The following GRID2 variants were observed in gnomAD, a reference collection of about 807,000 sequenced individuals.
GRID2 encodes the protein glutamate receptor ionotropic, delta-2.
In GRID2, 33 loss-of-function variants were observed where a neutral mutation model predicts 114.8. The ratio of observed to expected loss-of-function variants is 0.29; its 90% CI spans 0.22 to 0.38. The LOEUF is 0.38. Among genes scored for constraint, GRID2 ranks in the 10% least tolerant of loss-of-function variants. GRID2 has a pLI of 1.00. For missense variants in GRID2, 1,184 were observed against 1,257.7 expected (o/e 0.94, Z 0.89); for synonymous variants, 505 against 449.9 (o/e 1.12, Z -1.55).
chr4:92,839,599 T>C (rs1354499381), intron 2 of GRID2, among the ~76,000 whole-genome samples: 2 of 151,956 alleles, frequency 1.3e-5, no homozygotes, highest in Non-Finnish European at 2.9e-5. Flanking sequence ...TTCAAGAGCA[T>C]ATTGTTTAAT....
intron 2 of GRID2, among the ~76,000 whole-genome samples, chr4:93,012,654 G>C (rs1267488873): frequency 6.9e-6 from 1 of 143,986 alleles, no homozygotes; most frequent in East Asian, 2.0e-4. Context: ...CTAATAAAAA[G>C]AGCAAAGGAT....
chr4:92,943,994 A>T (rs963159691), intron 2 of GRID2, among the ~76,000 whole-genome samples: 1 of 152,070 alleles, frequency 6.6e-6, no homozygotes, highest in African/African-American at 2.4e-5. Flanking sequence ...GTCTGCCCCT[A>T]CTGGGGGGTG....
chr4:93,428,583 G>T (rs568418155), intron 10 of GRID2, among the ~76,000 whole-genome samples: 1 of 152,248 alleles, frequency 6.6e-6, no homozygotes, highest in Non-Finnish European at 1.5e-5. Context: ...ATACTTTGGT[G>T]ATCAAGAAAA....
chr4:93,689,704 T>G (rs1166560308), intron 14 of GRID2, among the ~76,000 whole-genome samples: 1 of 152,054 alleles, frequency 6.6e-6, no homozygotes, highest in East Asian at 1.9e-4. Context: ...GAAGAAAACA[T>G]AGTCTTTTGG....
chr4:93,045,962 G>A (rs1325720621), intron 2 of GRID2, among the ~76,000 whole-genome samples: 1 of 152,064 alleles, frequency 6.6e-6, no homozygotes, highest in Non-Finnish European at 1.5e-5. Context: ...TAATTGAGTT[G>A]AGTGGGATTA....
rs1298298400 is a variant in GRID2 at position 92,908,606 on chromosome 4, G to GA, written c.245-176381dup. Among the ~76,000 whole-genome samples, 12 of 138,926 alleles carry GA rather than the reference G, an allele frequency of 8.6e-5. No individual in the cohort carries two copies. The South Asian group carries it at 2.6e-3, about 30-fold the overall frequency. The allele number at this position is 138,926 out of a possible 152,430, so 91.1% of individuals were successfully genotyped here. A position where few individuals can be genotyped will look rare whatever the true frequency, so the allele number is the denominator to read the frequency against. On this transcript the variant is annotated intron_variant, in intron 2 of 15. Transcript: ENST00000282020. ...GCAGCCATTACTAAACAAAAAATAT[G>GA]AAAAAAAAGTACTAACAGGTAGCAC... is the stretch of plus-strand genomic sequence containing the variant.
At chr4:92,678,495 T>C (rs976692397) in intron 2 of GRID2, among the ~76,000 whole-genome samples, 1 of 152,092 alleles carries the variant, frequency 6.6e-6, no homozygotes, top group African/African-American at 2.4e-5. Context: ...AAGTCTGAAG[T>C]AATTCAATAC....
chr4:93,556,653 G>A (rs1347693889), intron 13 of GRID2, among the ~76,000 whole-genome samples: 1 of 152,150 alleles, frequency 6.6e-6, no homozygotes, highest in Non-Finnish European at 1.5e-5. Flanking sequence ...CAGGGAGAAT[G>A]GAACCAAGTT....
rs141859037 is a variant in GRID2 at position 92,306,645 on chromosome 4, A to G, written c.88+1901A>G. Among the ~76,000 whole-genome samples the G allele has an allele frequency of 2.2e-3, 337 of 152,348 alleles. 2 individuals carry two copies. The highest frequency in any genetic ancestry group is 5.9e-3 in the Admixed American group (91 of 15,310). On this transcript the variant is annotated intron_variant, in intron 1 of 15. Transcript: ENST00000282020. ...GGTCTGCATGATAAATACATTATTTACAAATACCTACAGCTTTTGCTATCC... is the reference window on the plus strand; with the variant it reads ...GGTCTGCATGATAAATACATTATTTGCAAATACCTACAGCTTTTGCTATCC...
At chr4:93,503,993 T>C (rs1266753539) in intron 12 of GRID2, among the ~76,000 whole-genome samples, 1 of 152,122 alleles carries the variant, frequency 6.6e-6, no homozygotes, top group Non-Finnish European at 1.5e-5. Context: ...ATTCATTAGA[T>C]ACTTCACTGA....
chr4:93,316,276 AAAAGAACGAAAGAACGAAAGAAAG>A (rs1459577377), intron 8 of GRID2, among the ~76,000 whole-genome samples: 1,980 of 57,290 alleles, frequency 0.035, 54 homozygotes, highest in African/African-American at 0.071. Context: ...AGAAAGAAAG[AAAAGAACGAAAGAACGAAAGAAAG>A]AAAGAAAGAA....
At chr4:93,138,366 A>T (rs752785666) in intron 4 of GRID2, among the ~76,000 whole-genome samples, 1 of 152,178 alleles carries the variant, frequency 6.6e-6, no homozygotes, top group Non-Finnish European at 1.5e-5. Flanking sequence ...TTATGGCTAC[A>T]TGCTTATATT....
At chr4:92,395,707 G>A (rs1322035235) in intron 1 of GRID2, among the ~76,000 whole-genome samples, 2 of 151,594 alleles carry the variant, frequency 1.3e-5, no homozygotes, top group Non-Finnish European at 3.0e-5. Context: ...TAATAGCATA[G>A]GTAACATTTA....
intron 11 of GRID2, among the ~76,000 whole-genome samples, chr4:93,457,894 A>G (rs1723357866): frequency 2.0e-5 from 3 of 152,230 alleles, no homozygotes; most frequent in Admixed American, 2.0e-4. Context: ...TGAAACATCC[A>G]AAAGAGTATT....
chr4:93,143,648 A>G (rs775585856), intron 4 of GRID2, among the ~76,000 whole-genome samples: 12 of 152,172 alleles, frequency 7.9e-5, no homozygotes, highest in Non-Finnish European at 1.3e-4. Flanking sequence ...TTATAAAAAA[A>G]TCACATATAT....
At chr4:92,939,566 T>G (rs571620902) in intron 2 of GRID2, among the ~76,000 whole-genome samples, 2 of 147,602 alleles carry the variant, frequency 1.4e-5, no homozygotes, top group African/African-American at 2.4e-5. Flanking sequence ...GCTCTTTAGT[T>G]TAATGAGATC....
At position 92,833,627 on chromosome 4, in the gene GRID2, C is replaced by CA. The variant is rs530674185; in HGVS notation, c.244+243343dup. The CA allele has an allele frequency of 5.3e-5, 8 of 152,226 alleles. No individual in the cohort carries two copies. The East Asian group carries it at 1.5e-3, about 29-fold the overall frequency. 9.4% of individuals were successfully genotyped at this position (152,226 alleles called of 1,614,324 possible). A position where few individuals can be genotyped will look rare whatever the true frequency, so the allele number is the denominator to read the frequency against. ...TACAGATGAAGAATAAAAGGATAAC[C>CA]AATTCTAAAGGACTGCCATTATCTA... On this transcript the variant is annotated intron_variant, in intron 2 of 15. Transcript: ENST00000282020.
intron 13 of GRID2, among the ~76,000 whole-genome samples, chr4:93,577,245 T>C (rs983409218): frequency 2.0e-5 from 3 of 152,164 alleles, no homozygotes; most frequent in Non-Finnish European, 4.4e-5. Context: ...CAATTATGGA[T>C]TTCCTAATAA....
chr4:92,546,709 C>A (rs1726281396), intron 1 of GRID2, among the ~76,000 whole-genome samples: 1 of 152,154 alleles, frequency 6.6e-6, no homozygotes, highest in African/African-American at 2.4e-5. Context: ...ATTTAAACTA[C>A]CAGTGGATAC....
Sources: allele counts gnomAD v4.1 joint callset (sites outside exome capture counted in the v4.1 genomes callset), GRCh38; gene constraint gnomAD v4.1.1; transcripts MANE v1.5; gene names NCBI Gene and HGNC (gene_info 2026-07-23, HGNC 2026-07-21).